FARS2: variants seen among roughly 807,000 people sequenced by gnomAD.
The protein encoded by FARS2 is phenylalanine--tRNA ligase, mitochondrial.
In FARS2, 40 loss-of-function variants were observed where a neutral mutation model predicts 46.4. The ratio of observed to expected loss-of-function variants is 0.86; its 90% CI spans 0.67 to 1.12. The LOEUF (loss-of-function observed/expected upper bound fraction) is 1.12, where lower values mean the gene tolerates loss of function less well. Among genes scored for constraint, FARS2 ranks in the 50% most tolerant of loss-of-function variants. The pLI is 0.00. For missense variants in FARS2, 513 were observed against 567.9 expected, an observed-to-expected ratio of 0.90 and a Z score of 0.98; for synonymous variants, 234 against 214.9, an observed-to-expected ratio of 1.09 and a Z score of -0.78.
intron 5 of FARS2, among the ~76,000 whole-genome samples, chr6:5,565,439 T>C (rs1772270009): frequency 1.3e-5 from 2 of 152,174 alleles, no homozygotes; most frequent in South Asian, 2.1e-4. Flanking sequence ...AAGTCCTTAA[T>C]ATAGCTTGAT....
intron 5 of FARS2, among the ~76,000 whole-genome samples, chr6:5,569,751 C>G (rs933349882): frequency 3.9e-5 from 6 of 152,022 alleles, no homozygotes; most frequent in Admixed American, 3.9e-4. Flanking sequence ...AGAGGATGGT[C>G]CAGGGGAGGT....
chr6:5,258,165 G>A (rs142600432), upstream of FARS2, among the ~76,000 whole-genome samples: 4 of 152,340 alleles, frequency 2.6e-5, no homozygotes, highest in East Asian at 7.7e-4. Flanking sequence ...GCACATGTGG[G>A]ACTTAGGCTG....
chr6:5,442,880 T>TA (rs1289312387), intron 4 of FARS2, among the ~76,000 whole-genome samples: 1 of 152,184 alleles, frequency 6.6e-6, no homozygotes, highest in Non-Finnish European at 1.5e-5. Flanking sequence ...GTATTTCCAT[T>TA]ACTGTAATAA....
intron 6 of FARS2, among the ~76,000 whole-genome samples, chr6:5,651,360 G>A (rs577861720): frequency 2.6e-5 from 4 of 152,304 alleles, no homozygotes; most frequent in Non-Finnish European, 4.4e-5. Context: ...CAGAACCCTC[G>A]ATTTTCTCCT....
At chr6:5,583,456 A>C (rs1375774371) in intron 5 of FARS2, among the ~76,000 whole-genome samples, 1 of 152,160 alleles carries the variant, frequency 6.6e-6, no homozygotes, top group Admixed American at 6.5e-5. Flanking sequence ...AAGAGATTTC[A>C]TTTGTATGGC....
At chr6:5,297,301 T>C (rs538464583) in intron 1 of FARS2, among the ~76,000 whole-genome samples, 1 of 152,136 alleles carries the variant, frequency 6.6e-6, no homozygotes, top group Non-Finnish European at 1.5e-5. Flanking sequence ...TCAGAGTTCA[T>C]GTTATGAAGG....
At chr6:5,571,589 C>A (rs912234499) in intron 5 of FARS2, among the ~76,000 whole-genome samples, 1 of 152,144 alleles carries the variant, frequency 6.6e-6, no homozygotes, top group Non-Finnish European at 1.5e-5. Flanking sequence ...TCCTGATCAT[C>A]CCTTCTGTGT....
intron 6 of FARS2, among the ~76,000 whole-genome samples, chr6:5,646,758 GT>G (rs1277913652): frequency 6.6e-6 from 1 of 152,152 alleles, no homozygotes; most frequent in Admixed American, 6.5e-5. Flanking sequence ...TAAATTCTAT[GT>G]AAATAGTTAT....
intron 1 of FARS2, among the ~76,000 whole-genome samples, chr6:5,283,990 A>T (rs906157554): frequency 2.0e-5 from 3 of 152,210 alleles, no homozygotes; most frequent in Non-Finnish European, 4.4e-5. Context: ...ATGTTGATAG[A>T]TATTGTCAAA....
chr6:5,488,368 A>C (rs1041119815), intron 4 of FARS2, among the ~76,000 whole-genome samples: 17 of 152,200 alleles, frequency 1.1e-4, no homozygotes, highest in African/African-American at 3.9e-4. Flanking sequence ...CACCAGTTCT[A>C]TCAGAGCTGA....
rs894234359 is a variant in FARS2, at chr6:5,261,589, G to C, written c.-93G>C. The C allele has an allele frequency of 2.6e-5, 4 of 152,380 alleles. No homozygotes were observed. Among genetic ancestry groups the C allele is most frequent in the Admixed American group, 2.6e-4 (4 of 15,298 alleles). 9.4% of individuals were successfully genotyped at this position (152,380 alleles called of 1,614,324 possible). On this transcript the variant is annotated 5_prime_UTR_variant, in exon 1 of 7. Coordinates refer to ENST00000274680, the MANE Select transcript of FARS2 (RefSeq NM_006567.5). Reference sequence around the variant, plus strand: ...AAGTTGGGGTTTAAGATTCTTGCCCGTGAGAGCGAACGAGCCTGCCGTACT... The same window carrying C: ...AAGTTGGGGTTTAAGATTCTTGCCCCTGAGAGCGAACGAGCCTGCCGTACT...
chr6:5,262,435 C>T (rs927976757), intron 1 of FARS2, among the ~76,000 whole-genome samples: 1 of 152,042 alleles, frequency 6.6e-6, no homozygotes, highest in Admixed American at 6.5e-5. Flanking sequence ...CGCGCTACCT[C>T]GCCCAGCTAA....
At chr6:5,436,974 C>T (rs1038862330) in intron 4 of FARS2, among the ~76,000 whole-genome samples, 3 of 152,102 alleles carry the variant, frequency 2.0e-5, no homozygotes, top group Non-Finnish European at 4.4e-5. Flanking sequence ...TATTGACATA[C>T]GTATACACCA....
At chr6:5,467,086 C>T (rs1240343571) in intron 4 of FARS2, 2 of 985,108 alleles carry the variant, frequency 2.0e-6, no homozygotes, top group Non-Finnish European at 2.4e-6. Context: ...TGAATAGTCA[C>T]TTCCCGATTT....
At chr6:5,455,562 G>T (rs1220915419) in intron 4 of FARS2, among the ~76,000 whole-genome samples, 1 of 152,098 alleles carries the variant, frequency 6.6e-6, no homozygotes, top group Non-Finnish European at 1.5e-5. Context: ...CTTCTAATTT[G>T]TTTTTATTAC....
chr6:5,693,689 C>G (rs578077736), intron 6 of FARS2, among the ~76,000 whole-genome samples: 1 of 152,206 alleles, frequency 6.6e-6, no homozygotes, highest in East Asian at 1.9e-4. Context: ...TGGGAAGACT[C>G]GAAGACTGGG....
chr6:5,319,283 G>C (rs1006556370), intron 1 of FARS2, among the ~76,000 whole-genome samples: 12 of 152,134 alleles, frequency 7.9e-5, no homozygotes, highest in Non-Finnish European at 1.5e-4. Flanking sequence ...TCAGGAGTTG[G>C]GCAAGTGGGC....
At chr6:5,368,072 G>A (rs1383380474) in intron 1 of FARS2, among the ~76,000 whole-genome samples, 1 of 152,108 alleles carries the variant, frequency 6.6e-6, no homozygotes, top group Non-Finnish European at 1.5e-5. Flanking sequence ...TGTGAAGGAT[G>A]GCTCTTAAAT....
At chr6:5,675,348 GA>G (rs1778709844) in intron 6 of FARS2, among the ~76,000 whole-genome samples, 2 of 152,166 alleles carry the variant, frequency 1.3e-5, no homozygotes, top group Admixed American at 6.5e-5. Context: ...AAGCTCTGGG[GA>G]GGAGTAACAG....
Sources: gnomAD v4.1 joint callset for allele counts (sites outside exome capture counted in the v4.1 genomes callset) on GRCh38, gnomAD v4.1.1 for gene constraint, MANE v1.5 for transcripts, NCBI Gene and HGNC (gene_info 2026-07-23, HGNC 2026-07-21) for gene names.